The following GLI2 variants were observed in gnomAD, a reference collection of about 807,000 sequenced individuals.
GLI2 encodes GLI family zinc finger 2.
In GLI2, 22 loss-of-function variants were observed where a neutral mutation model predicts 78.9. That is an observed-to-expected ratio of 0.28 (90% confidence interval 0.20 to 0.40). The LOEUF (loss-of-function observed/expected upper bound fraction) is 0.40. Among genes scored for constraint, GLI2 ranks in the 10% least tolerant of loss-of-function variants. GLI2 has a pLI of 1.00. For synonymous variants in GLI2, 974 were observed against 963.7 expected, an observed-to-expected ratio of 1.01 and a Z score of -0.20; for missense variants, 2,097 against 2,213.2, an observed-to-expected ratio of 0.95 and a Z score of 1.05.
chr2:120,857,462 TACCTACCCATCTTCCCACCCAGCCACCC>T (rs1687712512), intron 2 of GLI2, among the ~76,000 whole-genome samples: 1 of 74,408 alleles, frequency 1.3e-5, no homozygotes, highest in Non-Finnish European at 2.7e-5. Flanking sequence ...CCCACCCACC[TACCTACCCATCTTCCCACCCAGCCACCC>T]ACCTACCCAT....
At position 120,825,044 on chromosome 2, in the gene GLI2, C is replaced by T. The variant is rs1362270493; in HGVS notation, c.148+27576C>T. ...AGAGACAGGGTTTCAACTTGTTGCC[C>T]AGGCTGGTCTCGAACTCCTGACCTC... On this transcript the variant is annotated intron_variant, in intron 2 of 13. Transcript: ENST00000361492. 3.9e-5 allele frequency among the ~76,000 whole-genome samples: 6 copies of T among 152,232 alleles called. No homozygotes were observed. In the East Asian group the frequency reaches 1.2e-3, roughly 29 times the overall value.
intron 2 of GLI2, among the ~76,000 whole-genome samples, chr2:120,892,691 T>G (rs1239941866): frequency 1.3e-5 from 2 of 152,246 alleles, no homozygotes; most frequent in East Asian, 3.8e-4. Context: ...CAAATGTCTA[T>G]GGCAGAACTG....
rs1185329099 is a variant in GLI2 at position 120,988,776 on chromosome 2, G to A, written c.2811G>A (p.Ala937=). Reference sequence around the variant, plus strand: ...ATGGCCACGGCCACGCGGGGGCTGCGCCCGCCTTCCCCCACGAGGCTCCAG... The same window carrying A: ...ATGGCCACGGCCACGCGGGGGCTGCACCCGCCTTCCCCCACGAGGCTCCAG... ...PTYGHGHAGA[A]PAFPHEAPGG... Residue 937 remains alanine (A), a synonymous_variant, in exon 14 of 14, where the codon GCG becomes GCA. Coordinates refer to ENST00000361492, the MANE Select transcript of GLI2 (RefSeq NM_001374353.1). The A allele has an allele frequency of 1.5e-6, 2 of 1,320,858 alleles. No homozygotes were observed. Among genetic ancestry groups the A allele is most frequent in the East Asian group, 3.8e-5 (1 of 26,556 alleles). The allele number at this position is 1,320,858 out of a possible 1,614,324, so 81.8% of individuals were successfully genotyped here. A position where few individuals can be genotyped will look rare whatever the true frequency, so the allele number is the denominator to read the frequency against.
intron 2 of GLI2, among the ~76,000 whole-genome samples, chr2:120,905,430 T>C (rs1368741378): frequency 6.6e-6 from 1 of 152,184 alleles, no homozygotes; most frequent in East Asian, 1.9e-4. Context: ...GTTATGGGTA[T>C]GTGATCCTGC....
chr2:120,924,811 A>C (rs1338231005), intron 2 of GLI2, among the ~76,000 whole-genome samples: 1 of 152,186 alleles, frequency 6.6e-6, no homozygotes, highest in Non-Finnish European at 1.5e-5. Context: ...TTGATGATGG[A>C]CTTTGGAGGC....
intron 3 of GLI2, among the ~76,000 whole-genome samples, chr2:120,934,413 C>T (rs754679472): frequency 6.6e-6 from 1 of 152,220 alleles, no homozygotes; most frequent in African/African-American, 2.4e-5. Context: ...CTGACATCCA[C>T]GACTCCACCC....
chr2:120,795,700 C>A (rs1684356408), intron 1 of GLI2, among the ~76,000 whole-genome samples: 1 of 152,174 alleles, frequency 6.6e-6, no homozygotes, highest in Non-Finnish European at 1.5e-5. Flanking sequence ...CTTTCTGCCC[C>A]ACTCCTCCAG....
At chr2:120,937,237 C>G (rs1055092037) in intron 3 of GLI2, among the ~76,000 whole-genome samples, 4 of 152,120 alleles carry the variant, frequency 2.6e-5, no homozygotes, top group Non-Finnish European at 4.4e-5. Flanking sequence ...GAGGCACAGT[C>G]TTTTTTAATA....
rs775682488 is a variant in GLI2, at chr2:120,989,178, G to A, written c.3213G>A (p.Thr1071=). The A allele has an allele frequency of 1.2e-5, 20 of 1,613,136 alleles. No homozygotes were observed. In the African/African-American group the frequency reaches 1.3e-4, roughly 11 times the overall value. The stretch of plus-strand genomic sequence containing the variant: ...AGGGCACCGGGCAGGTGTATCCCAC[G>A]GAAAGCACTGGCTTCTCTGACAACC... The part of the protein sequence containing the change: ...LDEGTGQVYP[T]ESTGFSDNPR... Residue 1071 remains threonine (T), a synonymous_variant, in exon 14 of 14, where the codon ACG becomes ACA. Coordinates refer to ENST00000361492, the MANE Select transcript of GLI2 (RefSeq NM_001374353.1).
chr2:120,818,528 C>T (rs1234140159), intron 2 of GLI2, among the ~76,000 whole-genome samples: 2 of 152,204 alleles, frequency 1.3e-5, no homozygotes, highest in Non-Finnish European at 2.9e-5. Context: ...AAGTCCTTAC[C>T]GAGTAGGTGC....
chr2:120,824,478 C>T (rs1016902757), intron 2 of GLI2, among the ~76,000 whole-genome samples: 1 of 152,242 alleles, frequency 6.6e-6, no homozygotes, highest in Non-Finnish European at 1.5e-5. Context: ...AGCTTTGGCT[C>T]TTACGTTCAC....
At chr2:120,841,697 A>T (rs1258353154) in intron 2 of GLI2, among the ~76,000 whole-genome samples, 2 of 152,254 alleles carry the variant, frequency 1.3e-5, no homozygotes, top group Non-Finnish European at 2.9e-5. Context: ...TGCTGGCAGG[A>T]CAGAGGAGAA....
At chr2:120,814,250 C>G (rs1685391302) in intron 2 of GLI2, among the ~76,000 whole-genome samples, 1 of 152,116 alleles carries the variant, frequency 6.6e-6, no homozygotes, top group African/African-American at 2.4e-5. Context: ...GGTAAGGGCA[C>G]CGGGATTTGA....
At chr2:120,785,790 C>T (rs1683980591) in intron 1 of GLI2, among the ~76,000 whole-genome samples, 1 of 152,200 alleles carries the variant, frequency 6.6e-6, no homozygotes, top group South Asian at 2.1e-4. Flanking sequence ...CACTGTACTC[C>T]CTGGGGGTCC....
At chr2:120,768,262 G>A (rs763092886) in intron 1 of GLI2, among the ~76,000 whole-genome samples, 36 of 152,180 alleles carry the variant, frequency 2.4e-4, no homozygotes, top group South Asian at 1.2e-3. Context: ...TGCCCTATGC[G>A]GTGGGCGGAC....
rs150594913 is a variant in GLI2 at position 120,844,136 on chromosome 2, G to A, written c.148+46668G>A. ...TGACATTTTCCCTAGTTCGAAATTA[G>A]CAGTCAGCACACGTGTCTGTTAAGG... is the stretch of plus-strand genomic sequence containing the variant. On this transcript the variant is annotated intron_variant, in intron 2 of 13. Coordinates refer to ENST00000361492, the MANE Select transcript of GLI2 (RefSeq NM_001374353.1). 5.8e-4 allele frequency among the ~76,000 whole-genome samples: 88 copies of A among 152,276 alleles called. 2 individuals are homozygous for A. In the East Asian group the frequency reaches 0.017, roughly 29 times the overall value.
intron 4 of GLI2, 53 bp downstream of exon 4, chr2:120,951,498 C>A: frequency 8.5e-7 from 1 of 1,177,392 alleles, no homozygotes; most frequent in Non-Finnish European, 1.2e-6. Flanking sequence ...GGGCAGGGCG[C>A]AGCCAGCCTC....
At chr2:120,822,620 A>G (rs1685834119) in intron 2 of GLI2, among the ~76,000 whole-genome samples, 2 of 152,224 alleles carry the variant, frequency 1.3e-5, no homozygotes, top group Admixed American at 6.5e-5. Flanking sequence ...GAAAAGCCCA[A>G]TGAACATATC....
chr2:120,988,560 G>A lies in GLI2; in HGVS notation c.2595G>A (p.Thr865=). ...CSGGSGLLNL[T]PAQQYSLRAK... ...GCGGCTCCGGGCTGCTCAACCTCAC[G>A]CCGGCGCAGCAGTACAGCCTGCGGG... Residue 865 remains threonine, a synonymous_variant, in exon 14 of 14, where the codon ACG becomes ACA. Transcript: ENST00000361492. 1.3e-6 allele frequency: 2 copies of A among 1,499,646 alleles called. No individual in the cohort carries two copies. Among genetic ancestry groups the A allele is most frequent in the African/African-American group, 2.9e-5 (2 of 68,948 alleles). The allele number at this position is 1,499,646 out of a possible 1,614,324, so 92.9% of individuals were successfully genotyped here. A position where few individuals can be genotyped will look rare whatever the true frequency, so the allele number is the denominator to read the frequency against.
Sources: gnomAD v4.1 joint callset for allele counts (sites outside exome capture counted in the v4.1 genomes callset) on GRCh38, gnomAD v4.1.1 for gene constraint, MANE v1.5 for transcripts, NCBI Gene and HGNC (gene_info 2026-07-23, HGNC 2026-07-21) for gene names.